TMC1: variants seen among roughly 807,000 people sequenced by gnomAD.
The protein encoded by TMC1 is transmembrane channel-like protein 1.
TMC1 carries 84 observed loss-of-function variants against 105.8 expected under a neutral mutation model. The observed-to-expected ratio is 0.79, with a 90% CI of 0.67 to 0.95. The LOEUF (loss-of-function observed/expected upper bound fraction) is 0.95. TMC1 is among the 40% of genes least tolerant of loss of function. The pLI is 0.00. For synonymous variants in TMC1, 315 were observed against 311.5 expected (o/e 1.01, Z -0.12); for missense variants, 817 against 914.1 (o/e 0.89, Z 1.37).
At chr9:72,712,456 G>A (rs571828531) in intron 8 of TMC1, among the ~76,000 whole-genome samples, 5 of 152,232 alleles carry the variant, frequency 3.3e-5, no homozygotes, top group Non-Finnish European at 5.9e-5. Flanking sequence ...GCAGTGGTTT[G>A]TAGTTCTCCT....
intron 5 of TMC1, among the ~76,000 whole-genome samples, chr9:72,682,587 C>G (rs1826305966): frequency 1.3e-5 from 2 of 152,140 alleles, no homozygotes. Flanking sequence ...GCTTAGTTAA[C>G]CTGAGTGAGA....
intron 18 of TMC1, among the ~76,000 whole-genome samples, chr9:72,814,480 C>T (rs982280086): frequency 6.6e-6 from 1 of 152,174 alleles, no homozygotes; most frequent in African/African-American, 2.4e-5. Context: ...TCTAGAAAGT[C>T]GGCAAACTAA....
chr9:72,536,331 C>T (rs1050277889), intron 1 of TMC1, among the ~76,000 whole-genome samples: 35 of 152,166 alleles, frequency 2.3e-4, no homozygotes, highest in Admixed American at 1.4e-3. Flanking sequence ...AAACCCAGTG[C>T]GGCAGACATT....
intron 1 of TMC1, among the ~76,000 whole-genome samples, chr9:72,553,741 G>T (rs201124878): frequency 5.9e-5 from 9 of 152,032 alleles, no homozygotes; most frequent in African/African-American, 1.4e-4. Flanking sequence ...TTAGAATTTT[G>T]TCTTAAAAGT....
chr9:72,655,816 T>C (rs1204429659), intron 5 of TMC1: 2 of 657,356 alleles, frequency 3.0e-6, no homozygotes, highest in African/African-American at 3.6e-5. Context: ...GTAATTAATT[T>C]ATTAAAATAG....
chr9:72,783,799 C>T (rs1828129234), intron 13 of TMC1, among the ~76,000 whole-genome samples: 1 of 152,094 alleles, frequency 6.6e-6, no homozygotes, highest in African/African-American at 2.4e-5. Flanking sequence ...AAAGGACTCC[C>T]TGGGTCATAC....
intron 5 of TMC1, among the ~76,000 whole-genome samples, chr9:72,675,721 C>T (rs1564483835): frequency 6.6e-6 from 1 of 152,102 alleles, no homozygotes; most frequent in Non-Finnish European, 1.5e-5. Context: ...GTAGCAAGTA[C>T]AAGGTCCCAG....
Position 72,700,509 on chromosome 9 carries a change from C to T in TMC1, c.237-9C>T. On this transcript the variant is annotated splice_polypyrimidine_tract_variant and intron_variant, in intron 7 of 23. Transcript: ENST00000297784. The stretch of plus-strand genomic sequence containing the variant: ...ACTTTATTAAGGTGTTTCTTTTTTA[C>T]TTTTAAAGAGAAGAAGAAGAAATTG... 1 of 1,580,254 alleles carries T rather than the reference C, an allele frequency of 6.3e-7. No individual in the cohort carries two copies.
At chr9:72,582,564 T>G (rs920044698) in intron 2 of TMC1, among the ~76,000 whole-genome samples, 1 of 152,182 alleles carries the variant, frequency 6.6e-6, no homozygotes, top group Admixed American at 6.5e-5. Flanking sequence ...CCTTTTAAAA[T>G]TCCTCTTCTC....
intron 1 of TMC1, among the ~76,000 whole-genome samples, chr9:72,567,214 A>G (rs11789921): frequency 0.011 from 1,627 of 152,286 alleles, 17 homozygotes; most frequent in Non-Finnish European, 0.017. Flanking sequence ...TTATGTTCCC[A>G]TAGCACCTGA....
At chr9:72,778,973 C>T (rs1465317388) in intron 13 of TMC1, among the ~76,000 whole-genome samples, 1 of 152,226 alleles carries the variant, frequency 6.6e-6, no homozygotes, top group Non-Finnish European at 1.5e-5. Context: ...TGCTCTGCTG[C>T]CACCAACACA....
intron 17 of TMC1, among the ~76,000 whole-genome samples, chr9:72,794,961 A>C (rs1430910294): frequency 6.6e-6 from 1 of 152,240 alleles, no homozygotes; most frequent in Non-Finnish European, 1.5e-5. Context: ...TGAATAACAC[A>C]ATACAGGAAT....
At chr9:72,756,535 T>C (rs1397418096) in intron 12 of TMC1, among the ~76,000 whole-genome samples, 1 of 152,124 alleles carries the variant, frequency 6.6e-6, no homozygotes, top group African/African-American at 2.4e-5. Flanking sequence ...TCTCTCTCAC[T>C]TTCAAATTTC....
At chr9:72,651,020 G>T (rs975140500) in intron 5 of TMC1, 1 of 145,042 alleles carries the variant, frequency 6.9e-6, no homozygotes, top group African/African-American at 2.5e-5. Flanking sequence ...ACATAATCTC[G>T]TTCTTGTTTT....
chr9:72,800,283 A>C (rs903572316), intron 17 of TMC1, among the ~76,000 whole-genome samples: 3 of 152,204 alleles, frequency 2.0e-5, no homozygotes, highest in Non-Finnish European at 2.9e-5. Context: ...TCTTCAGCAT[A>C]CGATTCAAGA....
At chr9:72,573,937 C>T (rs1187016994) in intron 1 of TMC1, among the ~76,000 whole-genome samples, 1 of 152,158 alleles carries the variant, frequency 6.6e-6, no homozygotes, top group Non-Finnish European at 1.5e-5. Context: ...TCCTCTCCCT[C>T]CTCCTACTTT....
intron 12 of TMC1, among the ~76,000 whole-genome samples, chr9:72,758,995 A>G (rs1343450414): frequency 1.3e-5 from 2 of 152,310 alleles, no homozygotes; most frequent in East Asian, 1.9e-4. Context: ...ATAATTTAAT[A>G]TAAGAAATTA....
chr9:72,632,589 G>A (rs913358289), intron 4 of TMC1, among the ~76,000 whole-genome samples: 1 of 152,048 alleles, frequency 6.6e-6, no homozygotes, highest in African/African-American at 2.4e-5. Context: ...ATATTCCTAA[G>A]GAACCCACAA....
intron 7 of TMC1, among the ~76,000 whole-genome samples, chr9:72,696,484 C>CT (rs374096788): frequency 7.9e-5 from 12 of 152,046 alleles, no homozygotes; most frequent in Admixed American, 7.2e-4. Context: ...AGATAAACAT[C>CT]TTTTTTTTAA....
Sources: gnomAD v4.1 joint callset for allele counts (sites outside exome capture counted in the v4.1 genomes callset) on GRCh38, gnomAD v4.1.1 for gene constraint, MANE v1.5 for transcripts, NCBI Gene and HGNC (gene_info 2026-07-23, HGNC 2026-07-21) for gene names.